Variants in SORCS1 observed in about 807,000 individuals in gnomAD.
SORCS1 encodes the protein VPS10 domain-containing receptor SorCS1.
In SORCS1, 60 loss-of-function variants were observed where a neutral mutation model predicts 146.1. The observed-to-expected ratio is 0.41, with a 90% CI of 0.33 to 0.51. SORCS1 has a LOEUF of 0.51. Among genes scored for constraint, SORCS1 ranks in the 20% least tolerant of loss-of-function variants. The pLI is 0.21. For synonymous variants in SORCS1, 637 were observed against 584.0 expected, an observed-to-expected ratio of 1.09 and a Z score of -1.31; for missense variants, 1,352 against 1,487.6, an observed-to-expected ratio of 0.91 and a Z score of 1.50.
chr10:106,923,090 G>C lies in SORCS1; in HGVS notation c.626+33423C>G, dbSNP rs991642790. ...ACTTTTAGTAGAGACGGGGTTTCAC[G>C]ATGTTGGCCAGGATGGTCTCGATCT... On this transcript the variant is annotated intron_variant, in intron 2 of 25. Coordinates refer to ENST00000263054, the MANE Select transcript of SORCS1 (RefSeq NM_052918.5). 1.2e-4 allele frequency among the ~76,000 whole-genome samples: 18 copies of C among 152,058 alleles called. No homozygotes were observed. The East Asian group carries it at 3.5e-3, about 30-fold the overall frequency.
rs998385733 is a variant in SORCS1 at position 106,760,694 on chromosome 10, AACAC to A, written c.959+890_959+893del. Reference sequence around the variant, plus strand: ...AGCAAAGTAAGACTACATACACACAAACACACACACACACTAACACACACACACA... The same window carrying A: ...AGCAAAGTAAGACTACATACACACAAACACACACACTAACACACACACACA... On this transcript the variant is annotated intron_variant, in intron 5 of 25. Coordinates refer to ENST00000263054, the MANE Select transcript of SORCS1 (RefSeq NM_052918.5). Among the ~76,000 whole-genome samples, 5 of 134,690 alleles carry A rather than the reference AACAC, an allele frequency of 3.7e-5. No homozygotes were observed. The South Asian group carries it at 1.2e-3, about 32-fold the overall frequency. 88.4% of individuals were successfully genotyped at this position (134,690 alleles called of 152,430 possible).
intron 2 of SORCS1, among the ~76,000 whole-genome samples, chr10:106,916,934 G>A (rs914320901): frequency 6.6e-6 from 1 of 152,002 alleles, no homozygotes; most frequent in Non-Finnish European, 1.5e-5. Context: ...GTAGAGACGG[G>A]GTTTCACCAT....
At chr10:106,672,569 C>T (rs1337780011) in intron 15 of SORCS1, among the ~76,000 whole-genome samples, 2 of 152,178 alleles carry the variant, frequency 1.3e-5, no homozygotes, top group Non-Finnish European at 2.9e-5. Flanking sequence ...ATGACATTCT[C>T]AGATGAAATA....
intron 1 of SORCS1, among the ~76,000 whole-genome samples, chr10:107,058,229 G>T (rs1371938518): frequency 6.6e-6 from 1 of 151,830 alleles, no homozygotes; most frequent in Non-Finnish European, 1.5e-5. Flanking sequence ...TTTTAGTAGA[G>T]ATGGGGTTTC....
intron 3 of SORCS1, among the ~76,000 whole-genome samples, chr10:106,818,007 C>T (rs1262461886): frequency 6.6e-6 from 1 of 152,192 alleles, no homozygotes; most frequent in African/African-American, 2.4e-5. Context: ...TATTTAATTG[C>T]ATTCCTGAGC....
intron 1 of SORCS1, among the ~76,000 whole-genome samples, chr10:107,046,561 A>T (rs998699092): frequency 2.0e-4 from 30 of 152,278 alleles, no homozygotes; most frequent in South Asian, 6.2e-4. Context: ...CCCAGAAAGG[A>T]TGGGTGAGAA....
chr10:107,135,820 T>C (rs1368929157), intron 1 of SORCS1, among the ~76,000 whole-genome samples: 1 of 152,224 alleles, frequency 6.6e-6, no homozygotes, highest in Admixed American at 6.5e-5. Context: ...TTATGTTTCT[T>C]TTTTAAAGTA....
chr10:106,955,297 C>T (rs1954885138), intron 2 of SORCS1, among the ~76,000 whole-genome samples: 1 of 152,264 alleles, frequency 6.6e-6, no homozygotes, highest in South Asian at 2.1e-4. Flanking sequence ...CACCAGCGCC[C>T]AAGGCGGAGG....
intron 1 of SORCS1, among the ~76,000 whole-genome samples, chr10:107,000,074 CTG>C (rs1202274433): frequency 3.3e-5 from 5 of 152,196 alleles, no homozygotes; most frequent in Admixed American, 6.5e-5. Context: ...GGGCAGAAAA[CTG>C]TACTCCCAGT....
chr10:106,843,975 T>C (rs1006254740), intron 2 of SORCS1, among the ~76,000 whole-genome samples: 6 of 152,314 alleles, frequency 3.9e-5, no homozygotes, highest in Middle Eastern at 3.4e-3. Context: ...AGCCACCACA[T>C]TGTTTTCCAT....
At chr10:107,085,550 T>C (rs968841752) in intron 1 of SORCS1, among the ~76,000 whole-genome samples, 1 of 152,084 alleles carries the variant, frequency 6.6e-6, no homozygotes, top group African/African-American at 2.4e-5. Flanking sequence ...ACATCCTCAT[T>C]AAAGGCTACA....
intron 1 of SORCS1, among the ~76,000 whole-genome samples, chr10:107,082,579 G>A (rs1334099747): frequency 6.6e-6 from 1 of 151,968 alleles, no homozygotes; most frequent in Non-Finnish European, 1.5e-5. Context: ...CTGGGTTCAA[G>A]CAATTATCCT....
At chr10:106,682,280 A>G (rs939823758) in intron 10 of SORCS1, among the ~76,000 whole-genome samples, 1 of 152,202 alleles carries the variant, frequency 6.6e-6, no homozygotes, top group Non-Finnish European at 1.5e-5. Flanking sequence ...AATCTGAGGA[A>G]AAAAGACACC....
chr10:106,866,288 A>C (rs1950219404), intron 2 of SORCS1, among the ~76,000 whole-genome samples: 1 of 152,150 alleles, frequency 6.6e-6, no homozygotes, highest in Non-Finnish European at 1.5e-5. Flanking sequence ...CAAGAAGAGG[A>C]GGTCACTCCA....
intron 1 of SORCS1, among the ~76,000 whole-genome samples, chr10:107,004,194 A>C: frequency 6.6e-6 from 1 of 151,616 alleles, no homozygotes. Context: ...AAAAAAAAAA[A>C]AAAAAGCAGA....
At chr10:106,806,429 T>TAA (rs1278495622) in intron 3 of SORCS1, among the ~76,000 whole-genome samples, 1 of 140,556 alleles carries the variant, frequency 7.1e-6, no homozygotes, top group African/African-American at 2.7e-5. Flanking sequence ...TAAAATAAAA[T>TAA]AATCATGGAG....
Position 106,577,371 on chromosome 10 carries a change from G to T in SORCS1, c.*49C>A, listed in dbSNP as rs375038338. The T allele has an allele frequency of 1.2e-6, 2 of 1,612,944 alleles. No individual in the cohort carries two copies. The highest frequency in any genetic ancestry group is 1.7e-5 in the Admixed American group (1 of 59,968). On this transcript the variant is annotated 3_prime_UTR_variant, in exon 26 of 26. Coordinates refer to ENST00000263054, the MANE Select transcript of SORCS1 (RefSeq NM_052918.5). ...GAAGGATGATGTACTTGACAAGAGCGAAATTCTTTCCTGATCAGCAGGTCG... is the reference window on the plus strand; with the variant it reads ...GAAGGATGATGTACTTGACAAGAGCTAAATTCTTTCCTGATCAGCAGGTCG...
At chr10:107,149,861 C>G (rs1343694848) in intron 1 of SORCS1, among the ~76,000 whole-genome samples, 1 of 152,188 alleles carries the variant, frequency 6.6e-6, no homozygotes, top group Admixed American at 6.5e-5. Context: ...TAAGATCAAC[C>G]CAAGACCCAA....
At chr10:106,778,524 A>C (rs1328965172) in intron 3 of SORCS1, among the ~76,000 whole-genome samples, 4 of 152,164 alleles carry the variant, frequency 2.6e-5, no homozygotes, top group African/African-American at 9.7e-5. Flanking sequence ...TGTATGCATT[A>C]AGCAAGTACA....
Sources: allele counts gnomAD v4.1 joint callset (sites outside exome capture counted in the v4.1 genomes callset), GRCh38; gene constraint gnomAD v4.1.1; transcripts MANE v1.5; gene names NCBI Gene and HGNC (gene_info 2026-07-23, HGNC 2026-07-21).